Variants in ZNF527 observed in about 807,000 individuals in gnomAD.
ZNF527 encodes the protein zinc finger protein 527.
ZNF527 carries 5 observed loss-of-function variants against 13.5 expected under a neutral mutation model. The observed-to-expected ratio is 0.37, with a 90% CI of 0.19 to 0.78. The LOEUF (loss-of-function observed/expected upper bound fraction) is 0.78. Among genes scored for constraint, ZNF527 ranks in the 30% least tolerant of loss-of-function variants. The pLI is 0.48. For missense variants in ZNF527, 628 were observed against 726.4 expected (o/e 0.86, Z 1.56); for synonymous variants, 209 against 243.1 (o/e 0.86, Z 1.30).
At position 37,375,317 on chromosome 19, in the gene ZNF527, T is replaced by TTTCTC. The variant is rs1568691588; in HGVS notation, c.33+1087_33+1088insTCTCT. ...TTCTTTCTTTCTTTCTTTCTTTTCT[T>TTTCTC]TCTTTCTTTCTTTCTTTCTTTCCTT... On this transcript the variant is annotated intron_variant, in intron 2 of 4. Transcript: ENST00000436120. 5.7e-4 allele frequency among the ~76,000 whole-genome samples: 83 copies of TTTCTC among 146,172 alleles called. 1 individual carries two copies. The highest frequency in any genetic ancestry group is 8.7e-4 in the Non-Finnish European group (58 of 66,608).
chr19:37,388,242 C>G, intron 4 of ZNF527, 64 bp from the exon 5 acceptor site: 1 of 1,550,072 alleles, frequency 6.5e-7, no homozygotes, highest in African/African-American at 1.4e-5. Context: ...CATTTCTTCT[C>G]TAACAATTTT....
intron 4 of ZNF527, among the ~76,000 whole-genome samples, chr19:37,384,707 C>A (rs1354591525): frequency 6.6e-6 from 1 of 152,102 alleles, no homozygotes; most frequent in African/African-American, 2.4e-5. Context: ...TTAATATTGT[C>A]TAAGTGAAAT....
At chr19:37,386,810 A>G (rs2040703833) in intron 4 of ZNF527, among the ~76,000 whole-genome samples, 1 of 152,184 alleles carries the variant, frequency 6.6e-6, no homozygotes, top group Admixed American at 6.5e-5. Flanking sequence ...GCCTGGAGTA[A>G]AGACTTATTT....
Position 37,389,980 on chromosome 19 carries a change from T to C in ZNF527, c.*101T>C. On this transcript the variant is annotated 3_prime_UTR_variant, in exon 5 of 5. Coordinates refer to ENST00000436120, the MANE Select transcript of ZNF527 (RefSeq NM_032453.2). Reference sequence around the variant, plus strand: ...AGTAATTCTTTGAATGTAGTTCATATTTCAGTTCATGAGTATCCGTTATTT... The same window carrying C: ...AGTAATTCTTTGAATGTAGTTCATACTTCAGTTCATGAGTATCCGTTATTT... 1 of 1,418,224 alleles carries C rather than the reference T, an allele frequency of 7.1e-7. No individual in the cohort carries two copies. The highest frequency in any genetic ancestry group is 9.4e-7 in the Non-Finnish European group (1 of 1,063,726). 87.9% of individuals were successfully genotyped at this position (1,418,224 alleles called of 1,614,324 possible). A position where few individuals can be genotyped will look rare whatever the true frequency, so the allele number is the denominator to read the frequency against.
intron 1 of ZNF527, among the ~76,000 whole-genome samples, chr19:37,372,467 CTTTTTT>C (rs1022024971): frequency 3.0e-5 from 2 of 65,656 alleles, no homozygotes; most frequent in Non-Finnish European, 5.2e-5. Flanking sequence ...CTTTTCTTTT[CTTTTTT>C]TTTTTTTTTT....
In ZNF527 at chr19:37,388,503, G is replaced by A; in HGVS notation, c.454G>A (p.Ala152Thr). ...NAERHFMQVTAVKEISTGKRD... is the reference protein window; with the variant it reads ...NAERHFMQVTTVKEISTGKRD... ...GGAGAGGCATTTCATGCAAGTGACA[G>A]CTGTTAAGGAAATCTCTACTGGGAA... The change falls in exon 5 of 5, where the codon GCT becomes ACT. Residue 152 changes from alanine (A) to threonine (T), a missense_variant. Physicochemically the swap from Ala to Thr is moderately conservative, Grantham distance 58 (BLOSUM62 0). This residue lies in a region of ZNF527 where 592 missense variants were observed against 678.0 expected (regional missense o/e 0.87). Coordinates refer to ENST00000436120, the MANE Select transcript of ZNF527 (RefSeq NM_032453.2). The A allele has an allele frequency of 2.5e-6, 4 of 1,614,150 alleles. No homozygotes were observed. Among genetic ancestry groups the A allele is most frequent in the Non-Finnish European group, 3.4e-6 (4 of 1,180,006 alleles).
rs929378563 is a variant in ZNF527, at chr19:37,388,607, C to T, written c.558C>T (p.Thr186=). ...TTTTAACACAACAGAAAGTTCCTAC[C>T]ATACAGCAAGTACATAAATTTGATA... ...SVFLTQQKVP[T]IQQVHKFDIY... Residue 186 remains threonine, a synonymous_variant, in exon 5 of 5, where the codon ACC becomes ACT. Transcript: ENST00000436120. 2.4e-5 allele frequency: 38 copies of T among 1,613,908 alleles called. No individual in the cohort carries two copies. Among genetic ancestry groups the T allele is most frequent in the Non-Finnish European group, 2.9e-5 (34 of 1,179,956 alleles).
At position 37,380,337 on chromosome 19, in the gene ZNF527, T is replaced by C; in HGVS notation, c.221T>C (p.Met74Thr). Residue 74 changes from methionine to threonine, a missense_variant, in exon 4 of 5, where the codon ATG becomes ACG. Met to Thr is a moderately conservative substitution (Grantham distance 81). Transcript: ENST00000436120. ...CTGGAGCAAGGGAAGGAACCGTGGA[T>C]GGTGGAGAGAAAGATGTCACAGGGT... is the stretch of plus-strand genomic sequence containing the variant. ...SLLEQGKEPW[M>T]VERKMSQGHC... 5 of 1,614,078 alleles carry C rather than the reference T, an allele frequency of 3.1e-6. No homozygotes were observed. Among genetic ancestry groups the C allele is most frequent in the Non-Finnish European group, 3.4e-6 (4 of 1,179,978 alleles).
chr19:37,378,523 C>T (rs558342583), intron 2 of ZNF527, among the ~76,000 whole-genome samples: 1 of 152,146 alleles, frequency 6.6e-6, no homozygotes, highest in Non-Finnish European at 1.5e-5. Context: ...TATATATCAG[C>T]TTATAAAACA....
At chr19:37,375,267 T>TTTCC (rs2040590743) in intron 2 of ZNF527, among the ~76,000 whole-genome samples, 2 of 122,412 alleles carry the variant, frequency 1.6e-5, no homozygotes, top group African/African-American at 6.8e-5. Context: ...TCTTTCTTTC[T>TTTCC]TTCTTTCTTT....
At position 37,389,733 on chromosome 19, in the gene ZNF527, G is replaced by T. The variant is rs754462562; in HGVS notation, c.1684G>T (p.Ala562Ser). Residue 562 changes from alanine (A) to serine (S), a missense_variant, in exon 5 of 5, where the codon GCT (alanine) becomes TCT (serine). By Grantham distance (99) the Ala-to-Ser change is moderately conservative. Transcript: ENST00000436120. ...KPYECSECGK[A>S]FHQILSLRLH... ...CTATGAATGTAGTGAATGTGGGAAGGCTTTTCATCAGATCTTGTCCCTAAG... is the reference window on the plus strand; with the variant it reads ...CTATGAATGTAGTGAATGTGGGAAGTCTTTTCATCAGATCTTGTCCCTAAG... 2 of 1,613,816 alleles carry T rather than the reference G, an allele frequency of 1.2e-6. No individual in the cohort carries two copies. The highest frequency in any genetic ancestry group is 1.7e-6 in the Non-Finnish European group (2 of 1,180,040).
chr19:37,375,460 C>T (rs2040600146), intron 2 of ZNF527, among the ~76,000 whole-genome samples: 1 of 150,634 alleles, frequency 6.6e-6, no homozygotes, highest in Admixed American at 6.6e-5. Flanking sequence ...CTCCTGGGTT[C>T]AAGCGATTCT....
intron 4 of ZNF527, among the ~76,000 whole-genome samples, chr19:37,384,289 G>C (rs2040679576): frequency 6.6e-6 from 1 of 152,112 alleles, no homozygotes; most frequent in Admixed American, 6.6e-5. Context: ...CGGCACTTCA[G>C]CTTGGGCGAC....
At chr19:37,375,311 T>TTTCTTTCTTTCTTTTC (rs760003304) in intron 2 of ZNF527, among the ~76,000 whole-genome samples, 19 of 79,784 alleles carry the variant, frequency 2.4e-4, no homozygotes, top group Non-Finnish European at 3.8e-4. Context: ...TCTTTCTTTC[T>TTTCTTTCTTTCTTTTC]TTTCTTTCTT....
In ZNF527 at chr19:37,388,349, G is replaced by T. The variant is rs1401179106; in HGVS notation, c.300G>T (p.Trp100Cys). The T allele has an allele frequency of 6.2e-7, 1 of 1,613,830 alleles. No individual in the cohort carries two copies. The highest frequency in any genetic ancestry group is 2.2e-5 in the East Asian group (1 of 44,872). Residue 100 changes from tryptophan (W) to cysteine (C), a missense_variant, in exon 5 of 5, where the codon TGG becomes TGT. Physicochemically the swap from Trp to Cys is radical, Grantham distance 215 (BLOSUM62 -2). Around this residue, in one of 3 missense-constraint regions of ZNF527, gnomAD observed 592 missense variants for 678.0 expected, o/e 0.87. Coordinates refer to ENST00000436120, the MANE Select transcript of ZNF527 (RefSeq NM_032453.2). ...WCEIEELSPK[W>C]FIDEDEISQE... ...AAATTGAGGAATTATCTCCAAAATG[G>T]TTCATTGATGAAGATGAAATATCCC...
chr19:37,378,997 T>A, intron 2 of ZNF527, 123 bp from the exon 3 acceptor site: 1 of 1,057,346 alleles, frequency 9.5e-7, no homozygotes, highest in Non-Finnish European at 1.4e-6. Context: ...CAGCATGTAA[T>A]TGTTCTCCAA....
intron 4 of ZNF527, chr19:37,384,796 C>A: frequency 1.8e-6 from 1 of 565,128 alleles, no homozygotes. Flanking sequence ...TCCAGGAATG[C>A]ATTGTCTATA....
chr19:37,388,780 A>C lies in ZNF527; in HGVS notation c.731A>C (p.Lys244Thr). Residue 244 changes from lysine (K) to threonine (T), a missense_variant, in exon 5 of 5, where the codon AAA (lysine) becomes ACA (threonine). Lys to Thr is a moderately conservative substitution (Grantham distance 78). Transcript: ENST00000436120. ...GATATAGGAATTCCTCCTGGGGAGA[A>C]ACCTTATGAAAGTCATGATTTTTCA... ...SKDIGIPPGE[K>T]PYESHDFSKL... 1 of 1,613,020 alleles carries C rather than the reference A, an allele frequency of 6.2e-7. No homozygotes were observed. Among genetic ancestry groups the C allele is most frequent in the East Asian group, 2.2e-5 (1 of 44,886 alleles).
intron 4 of ZNF527, among the ~76,000 whole-genome samples, chr19:37,381,883 G>A (rs557292652): frequency 6.6e-6 from 1 of 151,938 alleles, no homozygotes; most frequent in African/African-American, 2.4e-5. Flanking sequence ...TTCCTATGAG[G>A]TAAATCTAAT....
Sources: gnomAD v4.1 joint callset for allele counts (sites outside exome capture counted in the v4.1 genomes callset) on GRCh38, gnomAD v4.1.1 for gene constraint, gnomAD v4.1.1 regional missense constraint, MANE v1.5 for transcripts, NCBI Gene and HGNC (gene_info 2026-07-23, HGNC 2026-07-21) for gene names.